Variants in PCDH15 observed in about 807,000 individuals in gnomAD.
PCDH15 encodes protocadherin related 15, also known as protocadherin-15.
PCDH15 carries 129 observed loss-of-function variants against 178.5 expected under a neutral mutation model. That is an observed-to-expected ratio of 0.72 (90% CI 0.63 to 0.84). PCDH15 has a LOEUF of 0.84. Among genes scored for constraint, PCDH15 ranks in the 40% least tolerant of loss-of-function variants. The pLI, the probability that PCDH15 is intolerant of heterozygous loss-of-function variation, is 0.00. For synonymous variants in PCDH15, 800 were observed against 732.0 expected (o/e 1.09, Z -1.50); for missense variants, 2,230 against 2,099.9 (o/e 1.06, Z -1.21).
chr10:53,955,808 G>A (rs1189291031), intron 23 of PCDH15, among the ~76,000 whole-genome samples: 2 of 152,156 alleles, frequency 1.3e-5, no homozygotes, highest in Non-Finnish European at 2.9e-5. Flanking sequence ...TGGGAATAAT[G>A]TGCATCCAGT....
chr10:55,130,028 A>C (rs751819942), intron 2 of PCDH15, among the ~76,000 whole-genome samples: 5 of 152,146 alleles, frequency 3.3e-5, no homozygotes, highest in Non-Finnish European at 5.9e-5. Flanking sequence ...CTCTAAAACA[A>C]TTTGCCATCT....
At chr10:55,431,407 G>T (rs1234570596) in intron 2 of PCDH15, among the ~76,000 whole-genome samples, 2 of 152,094 alleles carry the variant, frequency 1.3e-5, no homozygotes, top group Non-Finnish European at 2.9e-5. Flanking sequence ...CTTCCAGAGT[G>T]TTGCTAATTT....
chr10:54,243,713 C>G (rs974742654), intron 8 of PCDH15, among the ~76,000 whole-genome samples: 3 of 152,098 alleles, frequency 2.0e-5, no homozygotes, highest in African/African-American at 7.2e-5. Flanking sequence ...AGAGGCCAAA[C>G]AACCATTTCT....
intron 2 of PCDH15, chr10:54,599,599 A>G (rs959312330): frequency 9.3e-5 from 29 of 312,106 alleles, no homozygotes; most frequent in African/African-American, 6.3e-4. Flanking sequence ...AAGATCTGAC[A>G]AAGATTTCAT....
chr10:54,715,256 A>G (rs553994577), intron 1 of PCDH15, among the ~76,000 whole-genome samples: 8 of 152,274 alleles, frequency 5.3e-5, no homozygotes, highest in Admixed American at 1.3e-4. Context: ...GAAATTACCA[A>G]TATGGAAAAT....
chr10:54,941,082 C>A (rs1838051388), intron 2 of PCDH15, among the ~76,000 whole-genome samples: 1 of 151,804 alleles, frequency 6.6e-6, no homozygotes, highest in African/African-American at 2.4e-5. Flanking sequence ...TTTTTTGGGT[C>A]TTGTGTTCTT....
chr10:55,018,149 T>A (rs1395463183), intron 2 of PCDH15, among the ~76,000 whole-genome samples: 1 of 152,076 alleles, frequency 6.6e-6, no homozygotes, highest in African/African-American at 2.4e-5. Context: ...AACCTATTGA[T>A]GTTTAGAGGC....
chr10:54,237,051 A>G, intron 8 of PCDH15, 120 bp from the exon 9 acceptor site: 1 of 869,418 alleles, frequency 1.2e-6, no homozygotes, highest in Non-Finnish European at 2.0e-6. Flanking sequence ...TCAAGTTTCA[A>G]CATTTATGAT....
At chr10:54,780,048 G>A (rs1306052331) in intron 1 of PCDH15, among the ~76,000 whole-genome samples, 1 of 152,104 alleles carries the variant, frequency 6.6e-6, no homozygotes, top group Non-Finnish European at 1.5e-5. Flanking sequence ...GCCCTTTGGG[G>A]TGGTTTGCTT....
intron 3 of PCDH15, among the ~76,000 whole-genome samples, chr10:54,826,826 G>C (rs1953139785): frequency 6.6e-6 from 1 of 151,968 alleles, no homozygotes; most frequent in Non-Finnish European, 1.5e-5. Context: ...CAAATATAAA[G>C]CTATTGTATT....
intron 2 of PCDH15, among the ~76,000 whole-genome samples, chr10:54,528,653 G>T (rs1253944431): frequency 1.3e-5 from 2 of 151,858 alleles, no homozygotes; most frequent in Non-Finnish European, 2.9e-5. Flanking sequence ...TTACAAAAAA[G>T]ACTAGAAAAT....
chr10:53,940,109 T>G (rs1181876831), intron 24 of PCDH15, among the ~76,000 whole-genome samples: 1 of 152,128 alleles, frequency 6.6e-6, no homozygotes, highest in African/African-American at 2.4e-5. Context: ...ATTCACTCAT[T>G]TCTTTAATAT....
rs139974015 is a variant in PCDH15, at chr10:54,286,915, A to C, written c.876+30356T>G. Reference sequence around the variant, plus strand: ...GGGATTATAGGCGTGAGCCACTGTGACTGGCCAATATTTTAAATGTTAATG... The same window carrying C: ...GGGATTATAGGCGTGAGCCACTGTGCCTGGCCAATATTTTAAATGTTAATG... On this transcript the variant is annotated intron_variant, in intron 8 of 37. Transcript: ENST00000644397. Among the ~76,000 whole-genome samples, 630 of 152,224 alleles carry C rather than the reference A, an allele frequency of 4.1e-3. 8 individuals carry two copies. Among genetic ancestry groups the C allele is most frequent in the African/African-American group, 0.012 (517 of 41,564 alleles).
chr10:55,494,158 C>A (rs988590438), intron 2 of PCDH15, among the ~76,000 whole-genome samples: 1 of 151,712 alleles, frequency 6.6e-6, no homozygotes, highest in African/African-American at 2.4e-5. Context: ...TTGCTCCAGT[C>A]TTCATTTTCT....
At chr10:54,330,521 A>G (rs1939275187) in intron 6 of PCDH15, among the ~76,000 whole-genome samples, 1 of 151,938 alleles carries the variant, frequency 6.6e-6, no homozygotes. Context: ...CATTATGCAG[A>G]GCATGACTGC....
intron 2 of PCDH15, among the ~76,000 whole-genome samples, chr10:55,052,804 A>T (rs1350688982): frequency 6.6e-6 from 1 of 152,154 alleles, no homozygotes; most frequent in Non-Finnish European, 1.5e-5. Flanking sequence ...ATCACAAATG[A>T]TATTTGGACT....
At chr10:55,149,100 A>T (rs897992208) in intron 2 of PCDH15, among the ~76,000 whole-genome samples, 1 of 151,404 alleles carries the variant, frequency 6.6e-6, no homozygotes, top group African/African-American at 2.4e-5. Flanking sequence ...CATAAAATGT[A>T]GTGGTTAAAA....
At chr10:55,610,715 C>T (rs924019714) in intron 2 of PCDH15, among the ~76,000 whole-genome samples, 3 of 151,948 alleles carry the variant, frequency 2.0e-5, no homozygotes, top group African/African-American at 7.2e-5. Context: ...TGACAGTGCT[C>T]ACTGAAAATT....
At chr10:53,953,483 C>A (rs1372918193) in intron 23 of PCDH15, among the ~76,000 whole-genome samples, 1 of 151,936 alleles carries the variant, frequency 6.6e-6, no homozygotes, top group African/African-American at 2.4e-5. Flanking sequence ...AGGCAATTTT[C>A]TTGCCATTAT....
Sources: gnomAD v4.1 joint callset for allele counts (sites outside exome capture counted in the v4.1 genomes callset) on GRCh38, gnomAD v4.1.1 for gene constraint, MANE v1.5 for transcripts, NCBI Gene and HGNC (gene_info 2026-07-23, HGNC 2026-07-21) for gene names.